JARID2: variants seen among roughly 807,000 people sequenced by gnomAD.
The protein encoded by JARID2 is jumonji and AT-rich interaction domain containing 2.
JARID2 carries 21 observed loss-of-function variants against 125.6 expected under a neutral mutation model. That is an observed-to-expected ratio of 0.17 (90% CI 0.12 to 0.24). The LOEUF is 0.24. Ranked by LOEUF, JARID2 falls within the 10% of genes least tolerant of loss-of-function variation. The pLI is 1.00. For missense variants in JARID2, 1,303 were observed against 1,639.6 expected, an observed-to-expected ratio of 0.79 and a Z score of 3.55; for synonymous variants, 736 against 661.6, an observed-to-expected ratio of 1.11 and a Z score of -1.73.
chr6:15,375,920 C>T (rs1486186190), intron 2 of JARID2, among the ~76,000 whole-genome samples: 1 of 152,178 alleles, frequency 6.6e-6, no homozygotes, highest in Non-Finnish European at 1.5e-5. Flanking sequence ...AACTGGGAAA[C>T]ACCAGCTTTT....
At position 15,275,533 on chromosome 6, in the gene JARID2, G is replaced by GCCC. The variant is rs61037434; in HGVS notation, c.45+28958_45+28960dup. On this transcript the variant is annotated intron_variant, in intron 1 of 17. Transcript: ENST00000341776. The stretch of plus-strand genomic sequence containing the variant: ...TTAAAGTCCATTTACCGCCCCCCCC[G>GCCC]CCCCCCCCCCCGTCTTTTGCCTCTT... Among the ~76,000 whole-genome samples, 77 of 18,690 alleles carry GCCC rather than the reference G, an allele frequency of 4.1e-3. 2 individuals are homozygous for GCCC. The highest frequency in any genetic ancestry group is 0.01 in the South Asian group (2 of 200). The allele number at this position is 18,690 out of a possible 152,430, so 12.3% of individuals were successfully genotyped here. A position where few individuals can be genotyped will look rare whatever the true frequency, so the allele number is the denominator to read the frequency against.
chr6:15,307,098 T>C (rs1389638553), intron 1 of JARID2, among the ~76,000 whole-genome samples: 2 of 151,582 alleles, frequency 1.3e-5, no homozygotes, highest in African/African-American at 4.8e-5. Context: ...AAAAATGAGC[T>C]GGGCGTGGTG....
At chr6:15,415,524 AGAGGCGCCCCTCACCTCCCGG>A in intron 3 of JARID2, among the ~76,000 whole-genome samples, 1 of 128,360 alleles carries the variant, frequency 7.8e-6, no homozygotes, top group Admixed American at 7.4e-5. Context: ...GCTGCCGGGC[AGAGGCGCCCCTCACCTCCCGG>A]GCAGAGGCGC....
At chr6:15,466,335 C>T (rs1261242297) in intron 4 of JARID2, among the ~76,000 whole-genome samples, 1 of 152,210 alleles carries the variant, frequency 6.6e-6, no homozygotes, top group Non-Finnish European at 1.5e-5. Context: ...TTATACCAAT[C>T]CATCGTTTGG....
chr6:15,488,817 A>G (rs1318945318), intron 6 of JARID2, among the ~76,000 whole-genome samples: 2 of 152,172 alleles, frequency 1.3e-5, no homozygotes, highest in East Asian at 1.9e-4. Flanking sequence ...CCTAGCACAT[A>G]TTAAACACTG....
intron 2 of JARID2, among the ~76,000 whole-genome samples, chr6:15,377,315 A>T (rs1764393296): frequency 6.6e-6 from 1 of 152,086 alleles, no homozygotes. Context: ...ATTTCGTGAG[A>T]CTTACTCACT....
At chr6:15,417,594 A>G (rs1766289282) in intron 3 of JARID2, among the ~76,000 whole-genome samples, 1 of 152,150 alleles carries the variant, frequency 6.6e-6, no homozygotes, top group South Asian at 2.1e-4. Flanking sequence ...TACAAAAAAA[A>G]TTAGCTGGGC....
Position 15,496,410 on chromosome 6 carries a change from G to C in JARID2, c.1185G>C (p.Gly395=). The part of the protein sequence containing the change: ...KTRKQVLSLG[G]ASKSTGPAVN... ...GCAAACAGGTGCTATCCCTCGGGGG[G>C]GCGTCCAAGTCCACTGGGCCCGCCG... Residue 395 remains glycine, a synonymous_variant, in exon 7 of 18, where the codon GGG becomes GGC. Coordinates refer to ENST00000341776, the MANE Select transcript of JARID2 (RefSeq NM_004973.4). 2 of 1,613,828 alleles carry C rather than the reference G, an allele frequency of 1.2e-6. No individual in the cohort carries two copies. The highest frequency in any genetic ancestry group is 1.7e-6 in the Non-Finnish European group (2 of 1,179,920).
At chr6:15,454,499 T>C (rs1300917155) in intron 4 of JARID2, among the ~76,000 whole-genome samples, 1 of 152,178 alleles carries the variant, frequency 6.6e-6, no homozygotes, top group Non-Finnish European at 1.5e-5. Context: ...TCTTGTCTCA[T>C]ATCAAAATAA....
intron 3 of JARID2, among the ~76,000 whole-genome samples, chr6:15,412,836 T>C (rs1765940515): frequency 6.6e-6 from 1 of 152,058 alleles, no homozygotes; most frequent in South Asian, 2.1e-4. Flanking sequence ...ATGCCTTTTC[T>C]AATAGGGTAA....
chr6:15,513,157 G>T (rs183921424), intron 15 of JARID2, 82 bp from the exon 16 acceptor site: 1 of 1,510,454 alleles, frequency 6.6e-7, no homozygotes, highest in Admixed American at 2.0e-5. Context: ...CAGGGAGGCC[G>T]GTGTGGGGTG....
At chr6:15,455,291 G>T (rs975218905) in intron 4 of JARID2, among the ~76,000 whole-genome samples, 1 of 150,410 alleles carries the variant, frequency 6.6e-6, no homozygotes, top group African/African-American at 2.5e-5. Flanking sequence ...AATAATAATT[G>T]TACATATTTA....
At chr6:15,318,056 A>G (rs1312764212) in intron 1 of JARID2, among the ~76,000 whole-genome samples, 2 of 152,170 alleles carry the variant, frequency 1.3e-5, no homozygotes, top group African/African-American at 4.8e-5. Context: ...CTGTGAGAAT[A>G]AGAGTGATTA....
rs1764344782 is a variant in JARID2 at position 15,376,141 on chromosome 6, TTTTA to T, written c.181+1896_181+1899del. 2.6e-5 allele frequency among the ~76,000 whole-genome samples: 4 copies of T among 152,254 alleles called. No individual in the cohort carries two copies. The South Asian group carries it at 8.3e-4, about 32-fold the overall frequency. On this transcript the variant is annotated intron_variant, in intron 2 of 17. Coordinates refer to ENST00000341776, the MANE Select transcript of JARID2 (RefSeq NM_004973.4). ...GCCCACATTGGGATCACTGAAGTCT[TTTTA>T]TTTATTCTGGCACTACCTTCATAAG... is the stretch of plus-strand genomic sequence containing the variant.
chr6:15,286,777 G>A lies in JARID2; in HGVS notation c.45+40193G>A, dbSNP rs565497621. The stretch of plus-strand genomic sequence containing the variant: ...CTTGGGAGGCTGAGGCAGGAGAATG[G>A]CGTGAACCCGGGAGGCAGAGCTTGC... On this transcript the variant is annotated intron_variant, in intron 1 of 17. Transcript: ENST00000341776. Among the ~76,000 whole-genome samples, 75 of 143,386 alleles carry A rather than the reference G, an allele frequency of 5.2e-4. 1 individual carries two copies. Among genetic ancestry groups the A allele is most frequent in the Admixed American group, 7.1e-4 (10 of 14,078 alleles). 94.1% of individuals were successfully genotyped at this position (143,386 alleles called of 152,430 possible).
chr6:15,273,930 CT>C (rs71758457), intron 1 of JARID2, among the ~76,000 whole-genome samples: 63,232 of 141,756 alleles, frequency 0.45, 13,983 homozygotes, highest in East Asian at 0.56. Context: ...TTGTCTATAT[CT>C]TTTTTTTTTT....
At chr6:15,294,599 G>A (rs1191086586) in intron 1 of JARID2, among the ~76,000 whole-genome samples, 4 of 152,224 alleles carry the variant, frequency 2.6e-5, no homozygotes, top group African/African-American at 9.6e-5. Context: ...GCCCAGTGCA[G>A]TGTTGTGTGT....
At chr6:15,394,373 C>T (rs1386942389) in intron 2 of JARID2, among the ~76,000 whole-genome samples, 1 of 152,064 alleles carries the variant, frequency 6.6e-6, no homozygotes, top group East Asian at 1.9e-4. Context: ...GCACTTTGTG[C>T]GGCTGGGGTG....
chr6:15,296,585 G>C (rs1761423937), intron 1 of JARID2, among the ~76,000 whole-genome samples: 1 of 152,110 alleles, frequency 6.6e-6, no homozygotes, highest in Non-Finnish European at 1.5e-5. Context: ...TGAACCATTT[G>C]AGAATATGTT....
Sources: gnomAD v4.1 joint callset for allele counts (sites outside exome capture counted in the v4.1 genomes callset) on GRCh38, gnomAD v4.1.1 for gene constraint, MANE v1.5 for transcripts, NCBI Gene and HGNC (gene_info 2026-07-23, HGNC 2026-07-21) for gene names.